ZNF385D: variants seen among roughly 807,000 people sequenced by gnomAD.
ZNF385D encodes the protein zinc finger protein 659.
Under a neutral mutation model 35.8 loss-of-function variants are expected in ZNF385D, and 15 were observed. The observed-to-expected ratio is 0.42, with a 90% CI of 0.28 to 0.64. The LOEUF (loss-of-function observed/expected upper bound fraction) is 0.64, where lower values mean the gene tolerates loss of function less well. Ranked by LOEUF, ZNF385D falls within the 30% of genes least tolerant of loss-of-function variation. ZNF385D has a pLI of 0.23. For missense variants in ZNF385D, 474 were observed against 494.6 expected (o/e 0.96, Z 0.39); for synonymous variants, 212 against 186.8 (o/e 1.13, Z -1.10).
chr3:22,137,538 A>G (rs1704224368), intron 3 of ZNF385D, among the ~76,000 whole-genome samples: 1 of 152,212 alleles, frequency 6.6e-6, no homozygotes, highest in African/African-American at 2.4e-5. Context: ...AATAAACGTA[A>G]TCCAGCATAT....
intron 3 of ZNF385D, among the ~76,000 whole-genome samples, chr3:22,075,547 C>A (rs1480479752): frequency 1.3e-5 from 2 of 151,792 alleles, no homozygotes; most frequent in Non-Finnish European, 2.9e-5. Flanking sequence ...AACTCATGCC[C>A]CTGGTTTTCT....
intron 3 of ZNF385D, among the ~76,000 whole-genome samples, chr3:22,090,032 G>T (rs981454615): frequency 3.3e-5 from 5 of 152,016 alleles, no homozygotes; most frequent in Non-Finnish European, 7.4e-5. Flanking sequence ...TAGAGACAGG[G>T]TTTCACCATG....
At chr3:21,916,719 C>A (rs919663871) in intron 3 of ZNF385D, among the ~76,000 whole-genome samples, 6 of 152,146 alleles carry the variant, frequency 3.9e-5, no homozygotes, top group African/African-American at 1.4e-4. Context: ...AAAGGTCTGC[C>A]ACAATTTACC....
At chr3:21,485,577 C>T (rs952399066) in intron 4 of ZNF385D, among the ~76,000 whole-genome samples, 46 of 152,064 alleles carry the variant, frequency 3.0e-4, no homozygotes, top group African/African-American at 9.9e-4. Context: ...ATATAGATAA[C>T]ATCTCTTTGA....
chr3:21,723,622 C>T (rs2068632377), intron 1 of ZNF385D, among the ~76,000 whole-genome samples: 1 of 152,130 alleles, frequency 6.6e-6, no homozygotes, highest in Non-Finnish European at 1.5e-5. Flanking sequence ...AAGGAATGAA[C>T]AAAGCCTCCA....
At chr3:21,566,283 G>T (rs2063144404) in intron 2 of ZNF385D, among the ~76,000 whole-genome samples, 1 of 151,982 alleles carries the variant, frequency 6.6e-6, no homozygotes, top group Admixed American at 6.6e-5. Flanking sequence ...CCAAATTCTG[G>T]ATGAAGCTCA....
intron 3 of ZNF385D, among the ~76,000 whole-genome samples, chr3:22,089,298 A>G (rs1197014259): frequency 6.6e-6 from 1 of 152,224 alleles, no homozygotes; most frequent in Non-Finnish European, 1.5e-5. Context: ...ATCCTAATAT[A>G]GCATTTTGTG....
At chr3:22,181,697 C>CAAAA (rs71620745) in intron 2 of ZNF385D, among the ~76,000 whole-genome samples, 20 of 83,716 alleles carry the variant, frequency 2.4e-4, no homozygotes, top group Admixed American at 8.1e-4. Context: ...GACTCCGTCT[C>CAAAA]AAAAAAAAAA....
At chr3:21,641,444 G>A (rs998843629) in intron 2 of ZNF385D, among the ~76,000 whole-genome samples, 1 of 151,814 alleles carries the variant, frequency 6.6e-6, no homozygotes, top group African/African-American at 2.4e-5. Context: ...TATTATTATT[G>A]TCTCATCACT....
intron 1 of ZNF385D, among the ~76,000 whole-genome samples, chr3:21,699,544 C>T (rs539839032): frequency 2.0e-5 from 3 of 151,842 alleles, no homozygotes; most frequent in South Asian, 2.1e-4. Context: ...TGTGGCTGGT[C>T]CAAAGTGAGA....
Position 22,110,871 on chromosome 3 carries a change from A to T in ZNF385D, c.325+57946T>A, listed in dbSNP as rs553920961. Among the ~76,000 whole-genome samples the T allele has an allele frequency of 2.0e-5, 3 of 152,204 alleles. No individual in the cohort carries two copies. The South Asian group carries it at 6.2e-4, about 32-fold the overall frequency. ...GCTACTGAGGGGAATATGGTAGGAT[A>T]TAAGGCTGTCAAGAGAGGTATAATT... On this transcript the variant is annotated intron_variant, in intron 3 of 5. Coordinates refer to the ZNF385D transcript ENST00000494108.
chr3:22,006,792 A>G (rs1411590362), intron 3 of ZNF385D, among the ~76,000 whole-genome samples: 1 of 152,020 alleles, frequency 6.6e-6, no homozygotes, highest in African/African-American at 2.4e-5. Context: ...CTTATAAAGA[A>G]TAAAACCAAA....
intron 3 of ZNF385D, among the ~76,000 whole-genome samples, chr3:21,802,853 G>C (rs903316833): frequency 7.9e-5 from 12 of 152,174 alleles, no homozygotes; most frequent in African/African-American, 2.7e-4. Flanking sequence ...AAGCTACCAG[G>C]CCTAAACAGA....
intron 3 of ZNF385D, among the ~76,000 whole-genome samples, chr3:21,812,671 C>T (rs1335955376): frequency 6.6e-6 from 1 of 152,192 alleles, no homozygotes; most frequent in Non-Finnish European, 1.5e-5. Flanking sequence ...ATTGCTGAGG[C>T]TTGAGTAAGT....
intron 2 of ZNF385D, among the ~76,000 whole-genome samples, chr3:22,275,009 GAC>G (rs1194999948): frequency 1.3e-5 from 2 of 151,970 alleles, no homozygotes; most frequent in African/African-American, 4.8e-5. Context: ...TAGAGAATAA[GAC>G]AAACCCTGTG....
intron 3 of ZNF385D, among the ~76,000 whole-genome samples, chr3:21,965,627 C>G (rs1702870296): frequency 6.6e-6 from 1 of 151,988 alleles, no homozygotes. Context: ...GGATTCTGGA[C>G]ATGGGAGAAA....
intron 3 of ZNF385D, among the ~76,000 whole-genome samples, chr3:21,817,253 C>G (rs542533969): frequency 6.6e-6 from 1 of 152,262 alleles, no homozygotes; most frequent in Admixed American, 6.5e-5. Flanking sequence ...CTAGGCAATA[C>G]CATTCAGGAC....
chr3:22,215,564 G>C (rs1213832320), intron 2 of ZNF385D, among the ~76,000 whole-genome samples: 1 of 151,970 alleles, frequency 6.6e-6, no homozygotes, highest in Non-Finnish European at 1.5e-5. Flanking sequence ...TTTTTAGTCA[G>C]ACTGGTTGTC....
At chr3:22,268,369 T>C (rs984643077) in intron 2 of ZNF385D, among the ~76,000 whole-genome samples, 1 of 152,044 alleles carries the variant, frequency 6.6e-6, no homozygotes, top group Non-Finnish European at 1.5e-5. Flanking sequence ...ATAAATGTTA[T>C]AGTACATGAA....
Sources: gnomAD v4.1 joint callset for allele counts (sites outside exome capture counted in the v4.1 genomes callset) on GRCh38, gnomAD v4.1.1 for gene constraint, MANE v1.5 for transcripts, NCBI Gene and HGNC (gene_info 2026-07-23, HGNC 2026-07-21) for gene names.